SETD5: variants seen among roughly 807,000 people sequenced by gnomAD.
SETD5 encodes histone-lysine N-methyltransferase SETD5.
SETD5 carries 44 observed loss-of-function variants against 153.3 expected under a neutral mutation model. The ratio of observed to expected loss-of-function variants is 0.29; its 90% CI spans 0.23 to 0.37. The LOEUF is 0.37. Among genes scored for constraint, SETD5 ranks in the 10% least tolerant of loss-of-function variants. The pLI, the probability that SETD5 is intolerant of heterozygous loss-of-function variation, is 1.00. For missense variants in SETD5, 1,544 were observed against 1,768.0 expected (o/e 0.87, Z 2.27); for synonymous variants, 716 against 645.2 (o/e 1.11, Z -1.66).
At chr3:9,409,249 G>A (rs981811129) in intron 1 of SETD5, among the ~76,000 whole-genome samples, 6 of 151,894 alleles carry the variant, frequency 4.0e-5, no homozygotes, top group East Asian at 3.9e-4. Context: ...TTTATTGTCC[G>A]GAATACTCAC....
chr3:9,473,137 A>T lies in SETD5; in HGVS notation c.3196-99A>T, dbSNP rs946902888. 7 of 1,400,920 alleles carry T rather than the reference A, an allele frequency of 5.0e-6. No homozygotes were observed. The Admixed American group carries it at 7.5e-5, about 15-fold the overall frequency. The allele number at this position is 1,400,920 out of a possible 1,614,324, so 86.8% of individuals were successfully genotyped here. A position where few individuals can be genotyped will look rare whatever the true frequency, so the allele number is the denominator to read the frequency against. On this transcript the variant is annotated intron_variant, in intron 19 of 22. Transcript: ENST00000402198. ...GTTTGCGTGGCTTGGCTAGTGGTTT[A>T]CTAAGGTACCATCTTTCCTTCTTTC...
intron 19 of SETD5, among the ~76,000 whole-genome samples, chr3:9,472,871 G>C (rs2045468883): frequency 6.6e-6 from 1 of 152,056 alleles, no homozygotes; most frequent in Non-Finnish European, 1.5e-5. Flanking sequence ...CCCTTCTCTA[G>C]GTACTTCCAT....
rs376821559 is a variant in SETD5, at chr3:9,445,965, G to GTTTTTTTTTTTTTTTTTTTTTT, written c.1524+227_1524+248dup. 2.1e-4 allele frequency among the ~76,000 whole-genome samples: 18 copies of GTTTTTTTTTTTTTTTTTTTTTT among 86,458 alleles called. 1 individual carries two copies. The highest frequency in any genetic ancestry group is 8.0e-4 in the African/African-American group (17 of 21,376). The allele number at this position is 86,458 out of a possible 152,430, so 56.7% of individuals were successfully genotyped here. ...TATCTAGTGATGGTTTGAAGAGGTT[G>GTTTTTTTTTTTTTTTTTTTTTT]TTTTTTTTTTTTTTTTTTTTTTTAC... On this transcript the variant is annotated intron_variant, in intron 13 of 22. Transcript: ENST00000402198.
At chr3:9,446,950 A>T in intron 13 of SETD5, 100 bp from the exon 14 acceptor site, 1 of 798,832 alleles carries the variant, frequency 1.3e-6, no homozygotes, top group Non-Finnish European at 1.9e-6. Flanking sequence ...ACTGGTAGTT[A>T]AATGAATTTC....
At chr3:9,466,078 G>A (rs377244070) in intron 18 of SETD5, among the ~76,000 whole-genome samples, 1 of 152,108 alleles carries the variant, frequency 6.6e-6, no homozygotes, top group Non-Finnish European at 1.5e-5. Context: ...CACGAGGTCA[G>A]TAGATCAAGA....
chr3:9,431,058 CT>C (rs1203516798), intron 3 of SETD5: 1 of 985,218 alleles, frequency 1.0e-6, no homozygotes, highest in Admixed American at 6.2e-5. Flanking sequence ...GTTCTGGGCA[CT>C]TTAAGATTAA....
chr3:9,459,816 T>A (rs1371150486), intron 17 of SETD5, among the ~76,000 whole-genome samples: 1 of 152,102 alleles, frequency 6.6e-6, no homozygotes, highest in Admixed American at 6.6e-5. Context: ...TTAATAATCG[T>A]CATTTGTTAG....
chr3:9,450,366 C>T (rs1305889974), intron 16 of SETD5, among the ~76,000 whole-genome samples: 1 of 152,170 alleles, frequency 6.6e-6, no homozygotes, highest in African/African-American at 2.4e-5. Context: ...GTTTAGGCTG[C>T]ATACACAGGA....
At chr3:9,462,174 C>CT (rs2044028833) in intron 17 of SETD5, among the ~76,000 whole-genome samples, 1 of 152,226 alleles carries the variant, frequency 6.6e-6, no homozygotes, top group Non-Finnish European at 1.5e-5. Context: ...TAGTCTCATA[C>CT]TGACCATTGC....
intron 12 of SETD5, 115 bp downstream of exon 12, chr3:9,445,415 TA>T: frequency 6.1e-6 from 7 of 1,148,188 alleles, no homozygotes; most frequent in Non-Finnish European, 8.8e-6. Flanking sequence ...GTGCCCTTTA[TA>T]TCAATGTGGG....
intron 2 of SETD5, among the ~76,000 whole-genome samples, chr3:9,425,679 G>A (rs1305741060): frequency 6.7e-6 from 1 of 149,556 alleles, no homozygotes; most frequent in Non-Finnish European, 1.5e-5. Context: ...AGATTCAAAC[G>A]ATTCTCGTGC....
At chr3:9,412,417 T>TTA (rs1559357350) in intron 1 of SETD5, among the ~76,000 whole-genome samples, 2 of 126,808 alleles carry the variant, frequency 1.6e-5, no homozygotes, top group African/African-American at 6.5e-5. Context: ...TTTTTTTTTT[T>TTA]AAAGAGACAA....
At chr3:9,439,515 C>T (rs573990320) in intron 7 of SETD5, among the ~76,000 whole-genome samples, 116 of 152,282 alleles carry the variant, frequency 7.6e-4, no homozygotes, top group Middle Eastern at 3.4e-3. Flanking sequence ...AGTGTCTTTT[C>T]CTTCTAATCA....
At chr3:9,445,579 G>A (rs1439077517) in intron 12 of SETD5, 78 bp from the exon 13 acceptor site, 1 of 1,295,954 alleles carries the variant, frequency 7.7e-7, no homozygotes, top group Non-Finnish European at 1.1e-6. Flanking sequence ...GTTATAGAGA[G>A]TTTTAAGCTA....
rs754344270 is a variant in SETD5, at chr3:9,476,236, T to A, written c.*145T>A. ...GGGTCTGGTGGACAAGAAACAAGACTTGTGGTCACAATTGGCCTCTGGCCT... is the reference window on the plus strand; with the variant it reads ...GGGTCTGGTGGACAAGAAACAAGACATGTGGTCACAATTGGCCTCTGGCCT... On this transcript the variant is annotated 3_prime_UTR_variant, in exon 23 of 23. Transcript: ENST00000402198. The A allele has an allele frequency of 1.1e-4, 125 of 1,173,968 alleles. No individual in the cohort carries two copies. Among genetic ancestry groups the A allele is most frequent in the Admixed American group, 2.9e-5 (1 of 34,732 alleles). The allele number at this position is 1,173,968 out of a possible 1,614,324, so 72.7% of individuals were successfully genotyped here.
At chr3:9,470,989 G>A in intron 19 of SETD5, 60 bp downstream of exon 19, 1 of 883,756 alleles carries the variant, frequency 1.1e-6, no homozygotes, top group Non-Finnish European at 1.7e-6. Context: ...TAGTTTAGTA[G>A]ATATTCATAA....
chr3:9,436,785 T>C, intron 7 of SETD5: 1 of 1,405,356 alleles, frequency 7.1e-7, no homozygotes, highest in Non-Finnish European at 9.8e-7. Flanking sequence ...TAGTCTCAGA[T>C]AGGTATAACT....
intron 3 of SETD5, chr3:9,430,930 A>G: frequency 1.0e-6 from 1 of 985,478 alleles, no homozygotes; most frequent in East Asian, 1.1e-4. Context: ...TACTGTGGTC[A>G]TAACTAGCTA....
At chr3:9,423,563 ACTTT>A (rs2038728774) in intron 1 of SETD5, among the ~76,000 whole-genome samples, 1 of 151,504 alleles carries the variant, frequency 6.6e-6, no homozygotes, top group South Asian at 2.1e-4. Context: ...TCCTTGATTT[ACTTT>A]ATTTCTTCCT....
Sources: gnomAD v4.1 joint callset for allele counts (sites outside exome capture counted in the v4.1 genomes callset) on GRCh38, gnomAD v4.1.1 for gene constraint, MANE v1.5 for transcripts, NCBI Gene and HGNC (gene_info 2026-07-23, HGNC 2026-07-21) for gene names.